ZNF831: variants seen among roughly 807,000 people sequenced by gnomAD.
ZNF831 encodes chromosome 20 open reading frame 174.
A neutral mutation model predicts 95.8 loss-of-function variants in ZNF831; 59 were observed. That is an observed-to-expected ratio of 0.62 (90% CI 0.50 to 0.77). The LOEUF (loss-of-function observed/expected upper bound fraction) is 0.77. ZNF831 is among the 30% of genes least tolerant of loss of function. ZNF831 has a pLI of 0.00. For synonymous variants in ZNF831, 961 were observed against 925.5 expected (o/e 1.04, Z -0.70); for missense variants, 2,205 against 2,164.0 (o/e 1.02, Z -0.38).
chr20:59,158,068 G>C (rs1453291799), intron 2 of ZNF831, among the ~76,000 whole-genome samples: 1 of 152,220 alleles, frequency 6.6e-6, no homozygotes, highest in Non-Finnish European at 1.5e-5. Flanking sequence ...AAAGTCGGTA[G>C]CCAAGTGCTC....
chr20:59,150,033 C>T (rs763616435), intron 2 of ZNF831, among the ~76,000 whole-genome samples: 44 of 152,238 alleles, frequency 2.9e-4, no homozygotes, highest in African/African-American at 7.2e-4. Context: ...GCCCTAGAAA[C>T]GGGCTCTGTT....
At chr20:59,215,288 A>G (rs2146658664) in intron 4 of ZNF831, among the ~76,000 whole-genome samples, 1 of 152,368 alleles carries the variant, frequency 6.6e-6, no homozygotes, top group East Asian at 1.9e-4. Flanking sequence ...AAATTGGAAC[A>G]GTGAAGAGGA....
In ZNF831 at chr20:59,258,839, A is replaced by G. The variant is rs1192555551; in HGVS notation, c.*4096A>G. Reference sequence around the variant, plus strand: ...ATCCATGCTTTGCACTTACGTAGGAATATACATAATTTGGTCTGAAGAAGT... The same window carrying G: ...ATCCATGCTTTGCACTTACGTAGGAGTATACATAATTTGGTCTGAAGAAGT... On this transcript the variant is annotated 3_prime_UTR_variant, in exon 6 of 6. Coordinates refer to ENST00000371030, the MANE Select transcript of ZNF831 (RefSeq NM_178457.3). 1 of 152,208 alleles carries G rather than the reference A, an allele frequency of 6.6e-6. No homozygotes were observed. Among genetic ancestry groups the G allele is most frequent in the Non-Finnish European group, 1.5e-5 (1 of 68,036 alleles). The allele number at this position is 152,208 out of a possible 1,614,324, so 9.4% of individuals were successfully genotyped here.
chr20:59,200,598 T>A (rs1244610552), intron 3 of ZNF831, among the ~76,000 whole-genome samples: 1 of 152,184 alleles, frequency 6.6e-6, no homozygotes, highest in East Asian at 1.9e-4. Flanking sequence ...CCCAAAAGTT[T>A]CCTCCTATCC....
rs1988271539 is a variant in ZNF831 at position 59,258,306 on chromosome 20, A to T, written c.*3563A>T. The T allele has an allele frequency of 6.6e-6, 1 of 152,666 alleles. No individual in the cohort carries two copies. The highest frequency in any genetic ancestry group is 1.5e-5 in the Non-Finnish European group (1 of 68,040). The allele number at this position is 152,666 out of a possible 1,614,324, so 9.5% of individuals were successfully genotyped here. On this transcript the variant is annotated 3_prime_UTR_variant, in exon 6 of 6. Transcript: ENST00000371030. ...CTTCTAAAGCTGAGACCGGAAGAGG[A>T]ACCTTGCAGAAGTGCACTGTGACCA...
chr20:59,246,443 G>C (rs1987613523), intron 4 of ZNF831, among the ~76,000 whole-genome samples: 1 of 152,134 alleles, frequency 6.6e-6, no homozygotes, highest in South Asian at 2.1e-4. Flanking sequence ...TTAGCAACAA[G>C]AAACTTTTAA....
Position 59,254,470 on chromosome 20 carries a change from G to C in ZNF831, c.4761G>C (p.Lys1587Asn), listed in dbSNP as rs543860497. The C allele has an allele frequency of 1.2e-6, 2 of 1,614,222 alleles. No individual in the cohort carries two copies. The highest frequency in any genetic ancestry group is 8.5e-7 in the Non-Finnish European group (1 of 1,180,048). The change falls in exon 6 of 6, where the codon AAG becomes AAC. Residue 1587 changes from lysine to asparagine, a missense_variant. Transcript: ENST00000371030. The surrounding 1 kb of genome is among the most constrained non-coding windows in gnomAD (Gnocchi z 4.5). ...ASSHHKEGRH[K>N]TFFPSRGQYG... ...CACACCACAAGGAAGGGAGACACAA[G>C]ACGTTTTTTCCTTCCAGAGGCCAGT... is the stretch of plus-strand genomic sequence containing the variant.
At chr20:59,186,307 G>A (rs1183541365) in intron 1 of ZNF831, among the ~76,000 whole-genome samples, 2 of 152,174 alleles carry the variant, frequency 1.3e-5, no homozygotes, top group Non-Finnish European at 2.9e-5. Flanking sequence ...AGCATCCCTT[G>A]CTAGAGGCGA....
In ZNF831 at chr20:59,190,859, G is replaced by A. The variant is rs746586707; in HGVS notation, c.-36-125G>A. 7.3e-5 allele frequency: 58 copies of A among 795,664 alleles called. No individual in the cohort carries two copies. In the Admixed American group the frequency reaches 8.0e-4, roughly 11 times the overall value. The allele number at this position is 795,664 out of a possible 1,614,324, so 49.3% of individuals were successfully genotyped here. ...TACCTTCCTCTCGCTTGGGATGAGAGTACATTCCTTAGGGGATTGTCAGGC... is the reference window on the plus strand; with the variant it reads ...TACCTTCCTCTCGCTTGGGATGAGAATACATTCCTTAGGGGATTGTCAGGC... On this transcript the variant is annotated intron_variant, in intron 1 of 5. Coordinates refer to ENST00000371030, the MANE Select transcript of ZNF831 (RefSeq NM_178457.3).
Position 59,192,768 on chromosome 20 carries a change from G to A in ZNF831, c.1749G>A (p.Glu583=), listed in dbSNP as rs1312022170. The A allele has an allele frequency of 6.2e-7, 1 of 1,612,516 alleles. No homozygotes were observed. The highest frequency in any genetic ancestry group is 8.5e-7 in the Non-Finnish European group (1 of 1,179,798). Residue 583 remains glutamate (E), a synonymous_variant, in exon 2 of 6, where the codon GAG becomes GAA. Transcript: ENST00000371030. This position sits in a 1 kb window ranked among gnomAD's most constrained non-coding sequence, Gnocchi z 5.2. ...TPIGDALVPA[E]DTDAKRTAAR... is the part of the protein sequence containing the mutation. ...TTGGCGATGCCCTGGTGCCCGCAGA[G>A]GACACAGACGCAAAGAGAACTGCTG...
chr20:59,243,717 T>C lies in ZNF831; in HGVS notation c.4028-9261T>C, dbSNP rs564882921. On this transcript the variant is annotated intron_variant, in intron 4 of 5. Coordinates refer to ENST00000371030, the MANE Select transcript of ZNF831 (RefSeq NM_178457.3). ...TTTCCTAAAGCCATTAGTTAAGTAATATTGCTTACAGAATTGCTGAAACAG... is the reference window on the plus strand; with the variant it reads ...TTTCCTAAAGCCATTAGTTAAGTAACATTGCTTACAGAATTGCTGAAACAG... 1.4e-4 allele frequency among the ~76,000 whole-genome samples: 22 copies of C among 152,374 alleles called. No individual in the cohort carries two copies. In the South Asian group the frequency reaches 4.6e-3, roughly 32 times the overall value.
In ZNF831 at chr20:59,257,910, C is replaced by G. The variant is rs1988256030; in HGVS notation, c.*3167C>G. 1 of 152,150 alleles carries G rather than the reference C, an allele frequency of 6.6e-6. No homozygotes were observed. Among genetic ancestry groups the G allele is most frequent in the Non-Finnish European group, 1.5e-5 (1 of 68,028 alleles). The allele number at this position is 152,150 out of a possible 1,614,324, so 9.4% of individuals were successfully genotyped here. On this transcript the variant is annotated 3_prime_UTR_variant, in exon 6 of 6. Coordinates refer to ENST00000371030, the MANE Select transcript of ZNF831 (RefSeq NM_178457.3). ...ACCAGGTTTCTCTCTCCACCTGTAC[C>G]TACACCCAGCTAGATCTTGTCGTTA...
chr20:59,197,153 G>A (rs1418742309), intron 3 of ZNF831, among the ~76,000 whole-genome samples: 2 of 152,080 alleles, frequency 1.3e-5, no homozygotes, highest in African/African-American at 4.8e-5. Context: ...CCCTGTAGCT[G>A]CTCAGACCCT....
intron 4 of ZNF831, among the ~76,000 whole-genome samples, chr20:59,232,163 C>A (rs1407224547): frequency 6.6e-6 from 1 of 152,184 alleles, no homozygotes; most frequent in Non-Finnish European, 1.5e-5. Context: ...CAGCAACACT[C>A]CCTGCTGAAA....
At position 59,255,504 on chromosome 20, in the gene ZNF831, C is replaced by T. The variant is rs1988136111; in HGVS notation, c.*761C>T. The T allele has an allele frequency of 6.6e-6, 1 of 151,436 alleles. No homozygotes were observed. 9.4% of individuals were successfully genotyped at this position (151,436 alleles called of 1,614,324 possible). A position where few individuals can be genotyped will look rare whatever the true frequency, so the allele number is the denominator to read the frequency against. On this transcript the variant is annotated 3_prime_UTR_variant, in exon 6 of 6. Transcript: ENST00000371030. The stretch of plus-strand genomic sequence containing the variant: ...GAGATCTCTGAGACTGTCGGTTTTT[C>T]TAGTTCTTGCAAAGGAACGGTGTTA...
chr20:59,151,572 C>T (rs1454896506), intron 2 of ZNF831, among the ~76,000 whole-genome samples: 1 of 152,146 alleles, frequency 6.6e-6, no homozygotes, highest in Non-Finnish European at 1.5e-5. Context: ...GATACCGAGC[C>T]AAGATTCCAC....
intron 1 of ZNF831, among the ~76,000 whole-genome samples, chr20:59,166,300 TCA>T (rs1981259315): frequency 6.6e-6 from 1 of 152,144 alleles, no homozygotes; most frequent in African/African-American, 2.4e-5. Flanking sequence ...TAACATTGAC[TCA>T]CACACTGGGA....
At chr20:59,134,554 T>C (rs1979445924) in intron 1 of ZNF831, among the ~76,000 whole-genome samples, 4 of 152,346 alleles carry the variant, frequency 2.6e-5, no homozygotes, top group Admixed American at 6.5e-5. Flanking sequence ...GGTGAGATAC[T>C]GGACCTCTCA....
chr20:59,144,235 C>T (rs143150507), intron 1 of ZNF831, among the ~76,000 whole-genome samples: 8 of 152,296 alleles, frequency 5.3e-5, no homozygotes, highest in Admixed American at 3.3e-4. Flanking sequence ...ATATGACAGT[C>T]GCTTCCTTAC....
Sources: allele counts gnomAD v4.1 joint callset (sites outside exome capture counted in the v4.1 genomes callset), GRCh38; gene constraint gnomAD v4.1.1; non-coding constraint Gnocchi (gnomAD v3.1); transcripts MANE v1.5; gene names NCBI Gene and HGNC (gene_info 2026-07-23, HGNC 2026-07-21).